The following DNAAF1 variants were observed in gnomAD, a reference collection of about 807,000 sequenced individuals.
DNAAF1 encodes the protein dynein axonemal assembly factor 1, also known as dynein assembly factor 1, axonemal.
A neutral mutation model predicts 71.1 loss-of-function variants in DNAAF1; 65 were observed. The observed-to-expected ratio is 0.91, with a 90% CI of 0.75 to 1.12. DNAAF1 has a LOEUF of 1.12. Among genes scored for constraint, DNAAF1 ranks in the 50% most tolerant of loss-of-function variants. The pLI is 0.00. For missense variants in DNAAF1, 1,178 were observed against 899.8 expected (o/e 1.31, Z -3.96); for synonymous variants, 414 against 354.6 (o/e 1.17, Z -1.88).
At chr16:84,159,390 A>G (rs537854808) in intron 5 of DNAAF1, among the ~76,000 whole-genome samples, 34 of 152,358 alleles carry the variant, frequency 2.2e-4, no homozygotes, top group African/African-American at 7.5e-4. Context: ...GCACTCAGAA[A>G]AAGCCTCAGG....
chr16:84,158,211 A>G (rs924011206), intron 5 of DNAAF1, among the ~76,000 whole-genome samples: 29 of 152,028 alleles, frequency 1.9e-4, no homozygotes, highest in African/African-American at 5.5e-4. Context: ...TCTGTCTCCA[A>G]AAAAAAACAA....
intron 1 of DNAAF1, 93 bp from the exon 2 acceptor site, chr16:84,148,914 C>G: frequency 1.4e-6 from 2 of 1,434,132 alleles, no homozygotes; most frequent in Non-Finnish European, 2.0e-6. Flanking sequence ...GTGTTCTATA[C>G]TAAAAGTGGA....
rs985260825 is a variant in DNAAF1 at position 84,155,717 on chromosome 16, A to G, written c.709A>G (p.Ile237Val). The change falls in exon 5 of 12, where the codon ATC becomes GTC. Residue 237 changes from isoleucine to valine, a missense_variant. Ile to Val is a conservative substitution (Grantham distance 29). Coordinates refer to ENST00000378553, the MANE Select transcript of DNAAF1 (RefSeq NM_178452.6). ...LSHNKLSDPE[I>V]LSILESMPDL... ...GCACAACAAGCTGAGTGACCCGGAG[A>G]TCCTGAGCATTCTGGAAAGCATGCC... 1.9e-6 allele frequency: 3 copies of G among 1,614,154 alleles called. No individual in the cohort carries two copies. The highest frequency in any genetic ancestry group is 1.1e-5 in the South Asian group (1 of 91,078).
In DNAAF1 at chr16:84,175,146, G is replaced by A. The variant is rs139875030; in HGVS notation, c.1698+424G>A. ...GCTGGGATTACAGGCGTGAGCCACC[G>A]CACCCAGCCCACATCCCCCATATTT... is the stretch of plus-strand genomic sequence containing the variant. On this transcript the variant is annotated intron_variant, in intron 10 of 11. Transcript: ENST00000378553. 772 of 246,730 alleles carry A rather than the reference G, an allele frequency of 3.1e-3. 5 individuals carry two copies. Among genetic ancestry groups the A allele is most frequent in the African/African-American group, 0.016 (719 of 44,614 alleles). 15.3% of individuals were successfully genotyped at this position (246,730 alleles called of 1,614,324 possible). A position where few individuals can be genotyped will look rare whatever the true frequency, so the allele number is the denominator to read the frequency against.
Position 84,159,720 on chromosome 16 carries a change from A to G in DNAAF1, c.787A>G (p.Asn263Asp). ...MGNPVIRQIP[N>D]YRRTVTVRLK... ...AAACCCGGTTATCAGACAGATTCCTAATTACAGAAGGACAGTCACTGTACG... is the reference window on the plus strand; with the variant it reads ...AAACCCGGTTATCAGACAGATTCCTGATTACAGAAGGACAGTCACTGTACG... The change falls in exon 6 of 12, where the codon AAT becomes GAT. Residue 263 changes from asparagine to aspartate, a missense_variant. Asn to Asp is a conservative substitution (Grantham distance 23). Coordinates refer to ENST00000378553, the MANE Select transcript of DNAAF1 (RefSeq NM_178452.6). The G allele has an allele frequency of 6.2e-7, 1 of 1,614,050 alleles. No homozygotes were observed. The highest frequency in any genetic ancestry group is 8.5e-7 in the Non-Finnish European group (1 of 1,179,942).
intron 2 of DNAAF1, among the ~76,000 whole-genome samples, chr16:84,149,362 A>G (rs1415746622): frequency 2.0e-5 from 3 of 152,216 alleles, no homozygotes; most frequent in Admixed American, 2.0e-4. Context: ...GTAGTTCCTC[A>G]TGACACCATT....
chr16:84,147,675 G>A (rs1044917276), intron 1 of DNAAF1, among the ~76,000 whole-genome samples: 3 of 151,184 alleles, frequency 2.0e-5, no homozygotes, highest in Non-Finnish European at 2.9e-5. Flanking sequence ...ACAAATACCC[G>A]TGTTTTGCCA....
At chr16:84,166,475 C>G (rs1027934644) in intron 7 of DNAAF1, among the ~76,000 whole-genome samples, 2 of 148,318 alleles carry the variant, frequency 1.3e-5, no homozygotes, top group African/African-American at 5.0e-5. Context: ...CTCAAGTGAT[C>G]CTCTCACCTC....
In DNAAF1 at chr16:84,170,251, C is replaced by T. The variant is rs368651695; in HGVS notation, c.1423C>T (p.Leu475=). 165 of 1,609,914 alleles carry T rather than the reference C, an allele frequency of 1.0e-4. No homozygotes were observed. Among genetic ancestry groups the T allele is most frequent in the Non-Finnish European group, 1.4e-4 (162 of 1,178,278 alleles). The change falls in exon 8 of 12, where the codon CTG becomes TTG. Residue 475 remains leucine (L), a synonymous_variant. Transcript: ENST00000378553. ...GACCCTCCCAGCTGAGACCCTGCTACTGTCACCGCCTGTGAAGGTTAAAGG... is the reference window on the plus strand; with the variant it reads ...GACCCTCCCAGCTGAGACCCTGCTATTGTCACCGCCTGTGAAGGTTAAAGG... ...EGTLPAETLL[L]SPPVKVKGED...
chr16:84,170,436 C>A, intron 8 of DNAAF1, 80 bp downstream of exon 8: 1 of 1,601,430 alleles, frequency 6.2e-7, no homozygotes. Flanking sequence ...TCTGTGGGAC[C>A]TGGGGCCTGA....
intron 7 of DNAAF1, among the ~76,000 whole-genome samples, chr16:84,166,351 C>T (rs528168971): frequency 1.3e-5 from 2 of 150,358 alleles, no homozygotes; most frequent in African/African-American, 4.9e-5. Flanking sequence ...CTGTGCCCAG[C>T]CTTGGATTTT....
intron 8 of DNAAF1, 129 bp from the exon 9 acceptor site, chr16:84,172,130 GC>G (rs1228165861): frequency 2.3e-5 from 19 of 828,130 alleles, no homozygotes; most frequent in South Asian, 1.3e-4. Context: ...GCCCACCTTG[GC>G]CCCCCAAAGT....
chr16:84,159,166 G>A (rs986267786), intron 5 of DNAAF1: 3 of 1,001,414 alleles, frequency 3.0e-6, no homozygotes, highest in South Asian at 4.3e-5. Context: ...GGGGAGAGCT[G>A]TAAGCCGAGG....
chr16:84,171,097 A>G (rs554329022), intron 8 of DNAAF1, among the ~76,000 whole-genome samples: 227 of 152,288 alleles, frequency 1.5e-3, no homozygotes, highest in African/African-American at 5.2e-3. Flanking sequence ...CCCCGAGAGC[A>G]ATGGAGGGAT....
intron 3 of DNAAF1, among the ~76,000 whole-genome samples, chr16:84,153,250 C>T (rs1806711604): frequency 6.6e-6 from 1 of 151,982 alleles, no homozygotes; most frequent in African/African-American, 2.4e-5. Flanking sequence ...AGAGGGTTTG[C>T]AAGGAGGGAG....
At chr16:84,148,845 C>G (rs138441269) in intron 1 of DNAAF1, among the ~76,000 whole-genome samples, 162 bp from the exon 2 acceptor site, 36 of 151,806 alleles carry the variant, frequency 2.4e-4, no homozygotes, top group African/African-American at 8.0e-4. Context: ...CTGCCTCAGC[C>G]TCCCAAAGAG....
chr16:84,159,826 T>G, intron 6 of DNAAF1, 30 bp downstream of exon 6: 1 of 1,611,882 alleles, frequency 6.2e-7, no homozygotes, highest in Non-Finnish European at 8.5e-7. Context: ...CTGATCACAT[T>G]TTAATATTTA....
rs374631494 is a variant in DNAAF1 at position 84,170,202 on chromosome 16, G to A, written c.1374G>A (p.Glu458=). 6.8e-6 allele frequency: 11 copies of A among 1,611,386 alleles called. No homozygotes were observed. Among genetic ancestry groups the A allele is most frequent in the African/African-American group, 1.3e-5 (1 of 74,504 alleles). ...CGCCACCTGTGGAGGTTAAAGGAGA[G>A]GATGGAGATCAAGAGCCAGAGGGGA... ...PPPPPVEVKG[E]DGDQEPEGTL... Residue 458 remains glutamate (E), a synonymous_variant, in exon 8 of 12, where the codon GAG becomes GAA. Coordinates refer to ENST00000378553, the MANE Select transcript of DNAAF1 (RefSeq NM_178452.6).
At chr16:84,169,460 C>G (rs1016796250) in intron 7 of DNAAF1, among the ~76,000 whole-genome samples, 2 of 151,292 alleles carry the variant, frequency 1.3e-5, no homozygotes, top group East Asian at 3.9e-4. Context: ...CGCTCTGTCT[C>G]CCAGGCTGGA....
Sources: allele counts gnomAD v4.1 joint callset (sites outside exome capture counted in the v4.1 genomes callset), GRCh38; gene constraint gnomAD v4.1.1; transcripts MANE v1.5; gene names NCBI Gene and HGNC (gene_info 2026-07-23, HGNC 2026-07-21).